DOCK1: variants seen among roughly 807,000 people sequenced by gnomAD.
DOCK1 encodes dedicator of cytokinesis protein 1.
In DOCK1, 138 loss-of-function variants were observed where a neutral mutation model predicts 262.7. The ratio of observed to expected loss-of-function variants is 0.53; its 90% confidence interval spans 0.46 to 0.61. The LOEUF (loss-of-function observed/expected upper bound fraction) is 0.61, where lower values mean the gene tolerates loss of function less well. Ranked by LOEUF, DOCK1 falls within the 20% of genes least tolerant of loss-of-function variation. The pLI, the probability that DOCK1 is intolerant of heterozygous loss-of-function variation, is 0.00. For missense variants in DOCK1, 1,908 were observed against 2,370.7 expected, an observed-to-expected ratio of 0.80 and a Z score of 4.05; for synonymous variants, 866 against 867.4, an observed-to-expected ratio of 1.00 and a Z score of 0.03.
chr10:127,003,480 T>C (rs2040754069), intron 10 of DOCK1, among the ~76,000 whole-genome samples: 1 of 152,224 alleles, frequency 6.6e-6, no homozygotes, highest in African/African-American at 2.4e-5. Flanking sequence ...TTGAGTTCTC[T>C]GTCCCTTCTG....
intron 23 of DOCK1, among the ~76,000 whole-genome samples, chr10:127,076,713 C>T (rs772030399): frequency 6.6e-5 from 10 of 152,140 alleles, no homozygotes; most frequent in Non-Finnish European, 8.8e-5. Flanking sequence ...ATTGGTGGAG[C>T]TGCTCCATTG....
At position 127,088,941 on chromosome 10, in the gene DOCK1, C is replaced by A. The variant is rs1332544957; in HGVS notation, c.2446-17290C>A. 8.5e-5 allele frequency among the ~76,000 whole-genome samples: 13 copies of A among 152,250 alleles called. No homozygotes were observed. In the East Asian group the frequency reaches 2.3e-3, roughly 27 times the overall value. ...CACCGCTGCAGAGAAATGCCCCCAG[C>A]CTCCCTACTTAGTGCACCAGGGGTC... On this transcript the variant is annotated intron_variant, in intron 23 of 51. Coordinates refer to ENST00000623213, the MANE Select transcript of DOCK1 (RefSeq NM_001290223.2).
At chr10:126,947,804 T>TTGG (rs1370046275) in intron 1 of DOCK1, among the ~76,000 whole-genome samples, 267 of 80,466 alleles carry the variant, frequency 3.3e-3, no homozygotes, top group Non-Finnish European at 4.5e-3. Context: ...AGTATTACTG[T>TTGG]TGGTGGTGGT....
At chr10:127,300,429 A>G (rs1385434084) in intron 29 of DOCK1, among the ~76,000 whole-genome samples, 2 of 152,134 alleles carry the variant, frequency 1.3e-5, no homozygotes, top group Non-Finnish European at 2.9e-5. Flanking sequence ...TCTATGTTCT[A>G]GCATTGGGGA....
At chr10:126,921,497 A>G (rs1181673140) in intron 1 of DOCK1, among the ~76,000 whole-genome samples, 2 of 152,216 alleles carry the variant, frequency 1.3e-5, no homozygotes, top group Non-Finnish European at 2.9e-5. Flanking sequence ...TGAAATGTCC[A>G]GAATAGGCAA....
chr10:126,943,357 G>A (rs1346082088), intron 1 of DOCK1, among the ~76,000 whole-genome samples: 3 of 152,170 alleles, frequency 2.0e-5, no homozygotes, highest in East Asian at 3.9e-4. Flanking sequence ...AGTAGGTGCT[G>A]GAACCAAACT....
At position 127,175,879 on chromosome 10, in the gene DOCK1, A is replaced by C. The variant is rs770306176; in HGVS notation, c.2847+48115A>C. ...ATGTGTTGGTTGGAATGGAAAACCA[A>C]GGCTGTGGTCTTGTGCACCCGCCCC... On this transcript the variant is annotated intron_variant, in intron 27 of 51. Coordinates refer to ENST00000623213, the MANE Select transcript of DOCK1 (RefSeq NM_001290223.2). The surrounding 1 kb of genome is among the most constrained non-coding windows in gnomAD (Gnocchi z 6.3). 2.5e-6 allele frequency: 4 copies of C among 1,614,194 alleles called. No homozygotes were observed. In the Admixed American group the frequency reaches 6.7e-5, roughly 27 times the overall value.
At chr10:127,143,113 C>T (rs553513069) in intron 27 of DOCK1, among the ~76,000 whole-genome samples, 56 of 152,288 alleles carry the variant, frequency 3.7e-4, no homozygotes, top group African/African-American at 1.3e-3. Context: ...AATACTCAGG[C>T]CCTGCCACAG....
At chr10:127,101,218 G>A (rs2048224948) in intron 23 of DOCK1, among the ~76,000 whole-genome samples, 1 of 151,950 alleles carries the variant, frequency 6.6e-6, no homozygotes, top group Non-Finnish European at 1.5e-5. Flanking sequence ...GAAGGAGGTG[G>A]TGACATGAGA....
At chr10:127,013,429 G>A (rs1041234112) in intron 12 of DOCK1, 1 of 152,202 alleles carries the variant, frequency 6.6e-6, no homozygotes, top group Non-Finnish European at 1.5e-5. Context: ...CCAGTGCAAA[G>A]GTTGCCAGCC....
chr10:127,263,498 G>C (rs2060251905), intron 29 of DOCK1, among the ~76,000 whole-genome samples: 1 of 152,000 alleles, frequency 6.6e-6, no homozygotes, highest in African/African-American at 2.4e-5. Flanking sequence ...CTGTGCTCTA[G>C]GATATGAGAG....
At chr10:127,322,084 CAG>C (rs139903391) in intron 29 of DOCK1, among the ~76,000 whole-genome samples, 258 of 150,592 alleles carry the variant, frequency 1.7e-3, no homozygotes, top group African/African-American at 5.9e-3. Context: ...GTATGGGAGA[CAG>C]AGCGAGACTC....
intron 49 of DOCK1, among the ~76,000 whole-genome samples, chr10:127,443,684 G>A (rs112418875): frequency 1.8e-4 from 27 of 152,280 alleles, no homozygotes; most frequent in Non-Finnish European, 3.4e-4. Flanking sequence ...CATACTGTGT[G>A]TGTGTATCTC....
At chr10:127,369,332 A>G (rs1324995731) in intron 33 of DOCK1, among the ~76,000 whole-genome samples, 2 of 152,212 alleles carry the variant, frequency 1.3e-5, no homozygotes, top group Non-Finnish European at 2.9e-5. Flanking sequence ...TCTTGCCTAA[A>G]GAGGAAATAT....
At chr10:127,301,089 A>C (rs1023328422) in intron 29 of DOCK1, among the ~76,000 whole-genome samples, 2 of 152,238 alleles carry the variant, frequency 1.3e-5, no homozygotes, top group Non-Finnish European at 2.9e-5. Flanking sequence ...GCATCAGTGC[A>C]ATCAGAGCTC....
chr10:127,284,786 C>A (rs1241531522), intron 29 of DOCK1, among the ~76,000 whole-genome samples: 2 of 152,070 alleles, frequency 1.3e-5, no homozygotes, highest in African/African-American at 2.4e-5. Context: ...ACCTTTTATT[C>A]TTGGGTTAGT....
chr10:127,216,933 T>C (rs1057426995), intron 27 of DOCK1, among the ~76,000 whole-genome samples: 3 of 152,216 alleles, frequency 2.0e-5, no homozygotes. Context: ...CTGTCACAAC[T>C]GGCATCATTT....
At chr10:127,128,404 G>A (rs986757874) in intron 27 of DOCK1, among the ~76,000 whole-genome samples, 1 of 150,238 alleles carries the variant, frequency 6.7e-6, no homozygotes, top group Non-Finnish European at 1.5e-5. Flanking sequence ...TTAATTTCTG[G>A]GATACATGTG....
chr10:126,930,531 C>T (rs925755554), intron 1 of DOCK1, among the ~76,000 whole-genome samples: 3 of 152,104 alleles, frequency 2.0e-5, no homozygotes, highest in Non-Finnish European at 2.9e-5. Context: ...TCCTCTTGGC[C>T]GCTTTGCTGT....
Sources: gnomAD v4.1 joint callset for allele counts (sites outside exome capture counted in the v4.1 genomes callset) on GRCh38, gnomAD v4.1.1 for gene constraint, Gnocchi (gnomAD v3.1) non-coding constraint, MANE v1.5 for transcripts, NCBI Gene and HGNC (gene_info 2026-07-23, HGNC 2026-07-21) for gene names.